The following LINGO2 variants were observed in gnomAD, a reference collection of about 807,000 sequenced individuals.
The protein encoded by LINGO2 is leucine rich repeat and Ig domain containing 2.
In LINGO2, 14 loss-of-function variants were observed where a neutral mutation model predicts 30.6. That is an observed-to-expected ratio of 0.46 (90% CI 0.30 to 0.72). The LOEUF (loss-of-function observed/expected upper bound fraction) is 0.72. Among genes scored for constraint, LINGO2 ranks in the 30% least tolerant of loss-of-function variants. The probability of loss-of-function intolerance (pLI) is 0.07; values close to 1 mark genes in which losing one functional copy is unlikely to be tolerated. For synonymous variants in LINGO2, 317 were observed against 288.5 expected, an observed-to-expected ratio of 1.10 and a Z score of -1.00; for missense variants, 729 against 751.7, an observed-to-expected ratio of 0.97 and a Z score of 0.35.
intron 4 of LINGO2, among the ~76,000 whole-genome samples, chr9:28,021,790 A>AC (rs1823138959): frequency 1.3e-5 from 2 of 152,068 alleles, no homozygotes. Context: ...TTAATACACT[A>AC]CTTCTGTTTC....
At chr9:28,895,314 G>A in the LINGO2 span, among the ~76,000 whole-genome samples, 1 of 152,110 alleles carries the variant, frequency 6.6e-6, no homozygotes, top group Admixed American at 6.6e-5. Flanking sequence ...AAACAGTGCT[G>A]GGGAAGATTA....
At chr9:28,822,572 C>T in the LINGO2 span, among the ~76,000 whole-genome samples, 1 of 124,950 alleles carries the variant, frequency 8.0e-6, no homozygotes, top group Non-Finnish European at 1.9e-5. Context: ...CAGCTGCCAG[C>T]ATGGCTAGAA....
At chr9:28,995,735 C>T in the LINGO2 span, among the ~76,000 whole-genome samples, 1 of 152,012 alleles carries the variant, frequency 6.6e-6, no homozygotes, top group Admixed American at 6.6e-5. Flanking sequence ...ATGGATGAAA[C>T]TGGAAATCAT....
chr9:28,286,980 G>T (rs768238512), intron 4 of LINGO2, among the ~76,000 whole-genome samples: 1 of 152,086 alleles, frequency 6.6e-6, no homozygotes, highest in African/African-American at 2.4e-5. Flanking sequence ...ATATATAGAA[G>T]TGTGATGTTA....
chr9:28,865,094 G>C, the LINGO2 span, among the ~76,000 whole-genome samples: 1 of 152,042 alleles, frequency 6.6e-6, no homozygotes, highest in Non-Finnish European at 1.5e-5. Flanking sequence ...TGAGAAGGGT[G>C]GGGTAAGTGT....
chr9:28,744,593 G>A, the LINGO2 span, among the ~76,000 whole-genome samples: 57 of 132,088 alleles, frequency 4.3e-4, 1 homozygote, highest in East Asian at 0.011. Context: ...TGATTTCCTG[G>A]CTCAGATATT....
chr9:29,010,939 G>A, the LINGO2 span, among the ~76,000 whole-genome samples: 808 of 152,188 alleles, frequency 5.3e-3, 9 homozygotes, highest in African/African-American at 0.018. Flanking sequence ...ACAAAGAAGA[G>A]TGTGATTCTG....
chr9:28,945,373 C>T, the LINGO2 span, among the ~76,000 whole-genome samples: 1 of 152,208 alleles, frequency 6.6e-6, no homozygotes, highest in East Asian at 1.9e-4. Context: ...CATAGTTCTT[C>T]CATTAACTTT....
chr9:28,841,607 A>C, the LINGO2 span, among the ~76,000 whole-genome samples: 1 of 151,768 alleles, frequency 6.6e-6, no homozygotes, highest in African/African-American at 2.4e-5. Flanking sequence ...CCAGAAGATG[A>C]CAACGGCAAT....
At position 28,189,701 on chromosome 9, in the gene LINGO2, G is replaced by A. The variant is rs10968371; in HGVS notation, c.-87+105507C>T. 8.4e-3 allele frequency among the ~76,000 whole-genome samples: 139 copies of A among 16,532 alleles called. 3 individuals are homozygous for A. The highest frequency in any genetic ancestry group is 0.017 in the South Asian group (10 of 604). 10.8% of individuals were successfully genotyped at this position (16,532 alleles called of 152,430 possible). On this transcript the variant is annotated intron_variant, in intron 4 of 5. Transcript: ENST00000379992. ...GAAGGAAGGGAGGAAGGAAGGGAGG[G>A]AGGAAGGAAGGAAGGAAGGAAGGTT...
At chr9:28,793,579 C>T in the LINGO2 span, among the ~76,000 whole-genome samples, 1 of 152,168 alleles carries the variant, frequency 6.6e-6, no homozygotes, top group African/African-American at 2.4e-5. Flanking sequence ...TTTGCACATT[C>T]CTAGCTATAC....
exon 6 of LINGO2, chr9:27,948,823 A>G: frequency 6.3e-7 from 1 of 1,578,320 alleles, no homozygotes. Flanking sequence ...CACATTGACA[A>G]AGAGACAGTA....
At chr9:28,539,009 T>C (rs1467674691) in intron 1 of LINGO2, among the ~76,000 whole-genome samples, 2 of 152,100 alleles carry the variant, frequency 1.3e-5, no homozygotes, top group Non-Finnish European at 2.9e-5. Context: ...GGAAATTTTC[T>C]GTTTAAGCTC....
chr9:28,577,511 C>A lies in LINGO2; in HGVS notation c.-365+92689G>T, dbSNP rs375300076. 3.9e-5 allele frequency among the ~76,000 whole-genome samples: 6 copies of A among 152,224 alleles called. No homozygotes were observed. In the South Asian group the frequency reaches 1.2e-3, roughly 32 times the overall value. ...GTCCACAACACTATCTTTAAAAAAC[C>A]CTAGCATTCAAATTTGCATGGAGGC... On this transcript the variant is annotated intron_variant, in intron 1 of 5. Coordinates refer to ENST00000379992, the Ensembl canonical transcript of LINGO2.
the LINGO2 span, among the ~76,000 whole-genome samples, chr9:28,767,470 G>C: frequency 6.6e-6 from 1 of 152,008 alleles, no homozygotes; most frequent in Admixed American, 6.6e-5. Flanking sequence ...AGACATAATA[G>C]TTTAGTCTTG....
At chr9:28,609,256 G>A (rs1343043385) in intron 1 of LINGO2, among the ~76,000 whole-genome samples, 1 of 150,938 alleles carries the variant, frequency 6.6e-6, no homozygotes, top group Non-Finnish European at 1.5e-5. Context: ...TAGCAAGGAT[G>A]CAAAATATAT....
the LINGO2 span, among the ~76,000 whole-genome samples, chr9:28,717,747 A>G: frequency 6.6e-6 from 1 of 151,966 alleles, no homozygotes; most frequent in East Asian, 1.9e-4. Context: ...CCCAGTCCTC[A>G]GTGTTTTTAT....
chr9:28,585,462 G>C (rs1292775160), intron 1 of LINGO2, among the ~76,000 whole-genome samples: 1 of 151,904 alleles, frequency 6.6e-6, no homozygotes, highest in East Asian at 1.9e-4. Context: ...ATTTTTTGAA[G>C]TTATAATGGT....
At chr9:28,000,563 A>G (rs1821897130) in intron 5 of LINGO2, among the ~76,000 whole-genome samples, 2 of 152,194 alleles carry the variant, frequency 1.3e-5, no homozygotes, top group African/African-American at 2.4e-5. Flanking sequence ...CAAATGACCA[A>G]CTTAATTTAC....
Sources: allele counts gnomAD v4.1 joint callset (sites outside exome capture counted in the v4.1 genomes callset), GRCh38; gene constraint gnomAD v4.1.1; transcripts MANE v1.5; gene names NCBI Gene and HGNC (gene_info 2026-07-23, HGNC 2026-07-21).